Variants in ACTG1 observed in about 807,000 individuals in gnomAD.
ACTG1 encodes the protein actin gamma 1, also known as actin, cytoplasmic 2.
A neutral mutation model predicts 34.3 loss-of-function variants in ACTG1; 14 were observed. That is an observed-to-expected ratio of 0.41 (90% CI 0.27 to 0.64). ACTG1 has a LOEUF of 0.64. ACTG1 is among the 30% of genes least tolerant of loss of function. The probability of loss-of-function intolerance (pLI) is 0.33; values close to 1 mark genes in which losing one functional copy is unlikely to be tolerated. For missense variants in ACTG1, 233 were observed against 529.5 expected (o/e 0.44, Z 5.50); for synonymous variants, 422 against 213.9 (o/e 1.97, Z -8.49).
At chr17:81,512,469 C>A (rs913838940) in intron 1 of ACTG1, 109 bp from the exon 2 acceptor site, 38 of 1,576,392 alleles carry the variant, frequency 2.4e-5, no homozygotes, top group Non-Finnish European at 2.9e-5. Context: ...CCAACCCCAG[C>A]GGCCGTGGCC....
chr17:81,511,537 A>G lies in ACTG1; in HGVS notation c.453T>C (p.Ile151=), dbSNP rs1598548953. The G allele has an allele frequency of 6.2e-7, 1 of 1,613,890 alleles. No individual in the cohort carries two copies. The highest frequency in any genetic ancestry group is 8.5e-7 in the Non-Finnish European group (1 of 1,180,024). The stretch of plus-strand genomic sequence containing the variant: ...TGACCCCGTCTCCAGAGTCCATGAC[A>G]ATGCCAGTGGTGCGCCCAGAGGCGT... The part of the protein sequence containing the change: ...SLYASGRTTG[I]VMDSGDGVTH... Residue 151 remains isoleucine, a synonymous_variant, in exon 4 of 6, where the codon ATT becomes ATC. Transcript: ENST00000573283.
chr17:81,512,014 C>G lies in ACTG1; in HGVS notation c.252G>C (p.Lys84Asn), dbSNP rs139059365. ...CGTTGTAGAAGGTGTGGTGCCAGAT[C>G]TTCTCCATGTCGTCCCAGTTGGTGA... ...GIVTNWDDME[K>N]IWHHTFYNEL... The change falls in exon 3 of 6, where the codon AAG becomes AAC. Residue 84 changes from lysine (K) to asparagine (N), a missense_variant. Coordinates refer to ENST00000573283, the MANE Select transcript of ACTG1 (RefSeq NM_001614.5). 1 of 1,614,072 alleles carries G rather than the reference C, an allele frequency of 6.2e-7. No homozygotes were observed. Among genetic ancestry groups the G allele is most frequent in the Non-Finnish European group, 8.5e-7 (1 of 1,180,044 alleles).
chr17:81,510,452 G>C lies in ACTG1; in HGVS notation c.*238C>G, dbSNP rs1464081612. On this transcript the variant is annotated 3_prime_UTR_variant, in exon 6 of 6. Transcript: ENST00000573283. ...ACACGTACTAAAGGTTGAACTCAAAGATATGTACAGGGTATTAAACAAATA... is the reference window on the plus strand; with the variant it reads ...ACACGTACTAAAGGTTGAACTCAAACATATGTACAGGGTATTAAACAAATA... 1.4e-5 allele frequency: 9 copies of C among 666,238 alleles called. No homozygotes were observed. In the East Asian group the frequency reaches 2.1e-4, roughly 16 times the overall value. The allele number at this position is 666,238 out of a possible 1,614,324, so 41.3% of individuals were successfully genotyped here.
At chr17:81,511,872 G>A (rs199979742) in intron 3 of ACTG1, 31 bp downstream of exon 3, 27 of 1,613,662 alleles carry the variant, frequency 1.7e-5, no homozygotes, top group African/African-American at 2.7e-5. Flanking sequence ...GGGAAAGGAC[G>A]GGAGGAGCAC....
chr17:81,511,251 C>T lies in ACTG1; in HGVS notation c.739G>A (p.Val247Ile). The T allele has an allele frequency of 6.2e-7, 1 of 1,613,764 alleles. No homozygotes were observed. Among genetic ancestry groups the T allele is most frequent in the Non-Finnish European group, 8.5e-7 (1 of 1,180,036 alleles). The change falls in exon 4 of 6, where the codon GTC (valine) becomes ATC (isoleucine). Residue 247 changes from valine to isoleucine, a missense_variant. Transcript: ENST00000573283. Reference sequence around the variant, plus strand: ...AACCGCTCATTGCCAATGGTGATGACCTGGCCATCGGGCAGCTCGTAGCTC... The same window carrying T: ...AACCGCTCATTGCCAATGGTGATGATCTGGCCATCGGGCAGCTCGTAGCTC... ...EKSYELPDGQ[V>I]ITIGNERFRC...
At position 81,512,327 on chromosome 17, in the gene ACTG1, T is replaced by C. The variant is rs1249369032; in HGVS notation, c.28A>G (p.Ile10Val). The change falls in exon 2 of 6, where the codon ATT (isoleucine) becomes GTT (valine). Residue 10 changes from isoleucine to valine, a missense_variant. Coordinates refer to ENST00000573283, the MANE Select transcript of ACTG1 (RefSeq NM_001614.5). MEEEIAALV[I>V]DNGSGMCKAG... ...TTGCACATGCCGGAGCCATTGTCAA[T>C]GACCAGCGCGGCGATCTCTTCTTCC... is the stretch of plus-strand genomic sequence containing the variant. 2 of 1,613,794 alleles carry C rather than the reference T, an allele frequency of 1.2e-6. No individual in the cohort carries two copies. Among genetic ancestry groups the C allele is most frequent in the South Asian group, 1.1e-5 (1 of 91,080 alleles).
chr17:81,511,789 G>C lies in ACTG1; in HGVS notation c.363+114C>G, dbSNP rs782283403. 3.8e-6 allele frequency: 6 copies of C among 1,575,092 alleles called. No homozygotes were observed. The African/African-American group carries it at 4.1e-5, about 11-fold the overall frequency. On this transcript the variant is annotated intron_variant, in intron 3 of 5. Transcript: ENST00000573283. ...TGGAGGCTTCAGGGAGGAAATGCCGGGAGAGGAACAGAGCCTGGAACAGCG... is the reference window on the plus strand; with the variant it reads ...TGGAGGCTTCAGGGAGGAAATGCCGCGAGAGGAACAGAGCCTGGAACAGCG...
At chr17:81,511,729 A>G (rs2143780708) in intron 3 of ACTG1, 103 bp from the exon 4 acceptor site, 1 of 1,518,834 alleles carries the variant, frequency 6.6e-7, no homozygotes, top group Non-Finnish European at 8.9e-7. Flanking sequence ...TGTGGAGAAA[A>G]GAAAAGAACG....
Position 81,510,553 on chromosome 17 carries a change from C to T in ACTG1, c.*137G>A, listed in dbSNP as rs1313906780. ...TACAATCCAGTGCTGATATCAGATA[C>T]AAGCTTCAAGGACAATTTCTTTTCG... On this transcript the variant is annotated 3_prime_UTR_variant, in exon 6 of 6. Coordinates refer to ENST00000573283, the MANE Select transcript of ACTG1 (RefSeq NM_001614.5). The T allele has an allele frequency of 4.4e-6, 5 of 1,141,596 alleles. No individual in the cohort carries two copies. Among genetic ancestry groups the T allele is most frequent in the Admixed American group, 3.7e-5 (2 of 53,450 alleles). 70.7% of individuals were successfully genotyped at this position (1,141,596 alleles called of 1,614,324 possible).
At position 81,512,213 on chromosome 17, in the gene ACTG1, C is replaced by T; in HGVS notation, c.123+19G>A. 1.9e-6 allele frequency: 3 copies of T among 1,613,446 alleles called. No individual in the cohort carries two copies. The highest frequency in any genetic ancestry group is 2.2e-5 in the East Asian group (1 of 44,870). ...CCCGCAACGCAGAACCCAGGAGCCC[C>T]GCGGCGCCATCCACTCACCTGGTGT... On this transcript the variant is annotated intron_variant, in intron 2 of 5. Coordinates refer to ENST00000573283, the MANE Select transcript of ACTG1 (RefSeq NM_001614.5).
chr17:81,512,418 A>G (rs1275949175), intron 1 of ACTG1, 58 bp from the exon 2 acceptor site: 83 of 1,612,906 alleles, frequency 5.1e-5, no homozygotes, highest in Non-Finnish European at 5.7e-5. Flanking sequence ...CCCTCCCCAC[A>G]GCCACCTAAT....
chr17:81,510,349 C>G lies in ACTG1; in HGVS notation c.*341G>C. On this transcript the variant is annotated 3_prime_UTR_variant, in exon 6 of 6. Coordinates refer to ENST00000573283, the MANE Select transcript of ACTG1 (RefSeq NM_001614.5). ...AATACCCTGCACAGATCAGAGGCTGCTGGCCACACAGACTCACCAAGCCAC... is the reference window on the plus strand; with the variant it reads ...AATACCCTGCACAGATCAGAGGCTGGTGGCCACACAGACTCACCAAGCCAC... 1 of 447,168 alleles carries G rather than the reference C, an allele frequency of 2.2e-6. No homozygotes were observed. The highest frequency in any genetic ancestry group is 7.2e-4 in the Middle Eastern group (1 of 1,392). 27.7% of individuals were successfully genotyped at this position (447,168 alleles called of 1,614,324 possible). A position where few individuals can be genotyped will look rare whatever the true frequency, so the allele number is the denominator to read the frequency against.
rs200552253 is a variant in ACTG1, at chr17:81,511,636, G to A, written c.364-10C>T. 90 of 1,611,854 alleles carry A rather than the reference G, an allele frequency of 5.6e-5. No homozygotes were observed. Among genetic ancestry groups the A allele is most frequent in the Middle Eastern group, 5.0e-4 (3 of 6,052 alleles). On this transcript the variant is annotated splice_polypyrimidine_tract_variant and intron_variant, in intron 3 of 5. Transcript: ENST00000573283. ...AGGTCTCAAACATAATCTGAGAAGG[G>A]ACAAGGGGCGGCTTAGTCAGGGACA...
chr17:81,512,798 A>T lies in ACTG1; in HGVS notation c.-71T>A. 1 of 409,368 alleles carries T rather than the reference A, an allele frequency of 2.4e-6. No homozygotes were observed. Among genetic ancestry groups the T allele is most frequent in the Non-Finnish European group, 4.8e-6 (1 of 207,080 alleles). The allele number at this position is 409,368 out of a possible 1,614,324, so 25.4% of individuals were successfully genotyped here. ...GTGCGAGAGCTGGCAGCGGCGACTG[A>T]GACCGACCGCGGCCTCCCCCGCCGT... On this transcript the variant is annotated 5_prime_UTR_variant, in exon 1 of 6. Coordinates refer to ENST00000573283, the MANE Select transcript of ACTG1 (RefSeq NM_001614.5).
At chr17:81,511,657 G>A (rs782083414) in intron 3 of ACTG1, 31 bp from the exon 4 acceptor site, 4 of 1,604,372 alleles carry the variant, frequency 2.5e-6, no homozygotes, top group Admixed American at 1.7e-5. Flanking sequence ...GCTTAGTCAG[G>A]GACAGAGACC....
At chr17:81,512,669 G>T in intron 1 of ACTG1, 65 bp downstream of exon 1, 1 of 413,540 alleles carries the variant, frequency 2.4e-6, no homozygotes, top group Non-Finnish European at 4.5e-6. Context: ...TGGAAGCGGG[G>T]CCAGCCGGGG....
At position 81,509,981 on chromosome 17, in the gene ACTG1, C is replaced by G. The variant is rs1262490092; in HGVS notation, c.*709G>C. 1.8e-5 allele frequency: 7 copies of G among 393,952 alleles called. No individual in the cohort carries two copies. Among genetic ancestry groups the G allele is most frequent in the Admixed American group, 9.1e-5 (3 of 32,986 alleles). 24.4% of individuals were successfully genotyped at this position (393,952 alleles called of 1,614,324 possible). On this transcript the variant is annotated 3_prime_UTR_variant, in exon 6 of 6. Coordinates refer to ENST00000573283, the MANE Select transcript of ACTG1 (RefSeq NM_001614.5). ...AACAGGAGCCATTCATTGGTTACGG[C>G]AGCACTTTTATTTTTCCTTACACAA...
chr17:81,512,035 G>A lies in ACTG1; in HGVS notation c.231C>T (p.Thr77=), dbSNP rs375450454. The A allele has an allele frequency of 1.3e-4, 215 of 1,614,060 alleles. 1 individual carries two copies. The Middle Eastern group carries it at 3.5e-3, about 26-fold the overall frequency. Residue 77 remains threonine, a synonymous_variant, in exon 3 of 6, where the codon ACC becomes ACT. Coordinates refer to ENST00000573283, the MANE Select transcript of ACTG1 (RefSeq NM_001614.5). ...LKYPIEHGIV[T]NWDDMEKIWH... ...AGATCTTCTCCATGTCGTCCCAGTT[G>A]GTGACGATGCCATGCTCAATGGGGT...
At position 81,511,891 on chromosome 17, in the gene ACTG1, G is replaced by T. The variant is rs782757560; in HGVS notation, c.363+12C>A. The T allele has an allele frequency of 1.7e-5, 28 of 1,613,938 alleles. No homozygotes were observed. The highest frequency in any genetic ancestry group is 4.0e-5 in the African/African-American group (3 of 74,946). ...AAGGACGGGAGGAGCACGGGCGTCG[G>T]CCGAGCCTCACCTGAGTCATCTTCT... is the stretch of plus-strand genomic sequence containing the variant. On this transcript the variant is annotated intron_variant, in intron 3 of 5. Coordinates refer to ENST00000573283, the MANE Select transcript of ACTG1 (RefSeq NM_001614.5).
Sources: allele counts gnomAD v4.1 joint callset, GRCh38; gene constraint gnomAD v4.1.1; transcripts MANE v1.5; gene names NCBI Gene and HGNC (gene_info 2026-07-23, HGNC 2026-07-21).